Variants in PRH1 observed in about 807,000 individuals in gnomAD.
The protein encoded by PRH1 is salivary acidic proline-rich phosphoprotein 1/2.
PRH1 carries 7 observed loss-of-function variants against 7.9 expected under a neutral mutation model. That is an observed-to-expected ratio of 0.89 (90% CI 0.50 to 1.67). PRH1 has a LOEUF of 1.67. Ranked by LOEUF, PRH1 falls within the 40% of genes most tolerant of loss-of-function variation. The probability of loss-of-function intolerance (pLI) is 0.00; values close to 1 mark genes in which losing one functional copy is unlikely to be tolerated. For synonymous variants in PRH1, 45 were observed against 80.8 expected (o/e 0.56, Z 2.38); for missense variants, 109 against 223.6 (o/e 0.49, Z 3.27).
At chr12:10,997,269 A>G (rs746305447) in intron 1 of PRH1, 1 of 1,614,148 alleles carries the variant, frequency 6.2e-7, no homozygotes, top group Non-Finnish European at 8.5e-7. Context: ...AGATGTTTAC[A>G]CAGAGAGTAG....
chr12:11,050,598 TA>T (rs2136148654), upstream of PRH1, among the ~76,000 whole-genome samples: 1 of 152,376 alleles, frequency 6.6e-6, no homozygotes, highest in Admixed American at 6.5e-5. Context: ...AGGCCTTTGG[TA>T]AATTTATTCT....
At chr12:11,065,991 C>T (rs1943792711) in intron 1 of PRH1, among the ~76,000 whole-genome samples, 1 of 152,214 alleles carries the variant, frequency 6.6e-6, no homozygotes, top group Admixed American at 6.5e-5. Flanking sequence ...ATCTCAACCA[C>T]AGCTCCACCT....
At chr12:11,136,137 T>C (rs1224593728) in intron 1 of PRH1, among the ~76,000 whole-genome samples, 1 of 152,208 alleles carries the variant, frequency 6.6e-6, no homozygotes, top group Non-Finnish European at 1.5e-5. Context: ...TTTATATTGA[T>C]TATTTCCTTA....
At chr12:11,083,352 T>TTG in intron 1 of PRH1, among the ~76,000 whole-genome samples, 1 of 119,276 alleles carries the variant, frequency 8.4e-6, no homozygotes, top group Non-Finnish European at 2.0e-5. Context: ...TTTTTTAAAT[T>TTG]AAAGAAAAGT....
chr12:11,017,882 G>A (rs1941378497), intron 1 of PRH1, among the ~76,000 whole-genome samples: 1 of 152,080 alleles, frequency 6.6e-6, no homozygotes, highest in African/African-American at 2.4e-5. Flanking sequence ...AGGGATTTTG[G>A]AGTCCAAAAA....
chr12:10,946,923 C>T (rs1488181761), intron 2 of PRH1, among the ~76,000 whole-genome samples: 1 of 151,988 alleles, frequency 6.6e-6, no homozygotes, highest in East Asian at 1.9e-4. Flanking sequence ...GTTTAATTTC[C>T]ATGTAATTGT....
At chr12:11,066,475 A>T (rs1266854337) in intron 1 of PRH1, among the ~76,000 whole-genome samples, 1 of 151,982 alleles carries the variant, frequency 6.6e-6, no homozygotes, top group Non-Finnish European at 1.5e-5. Context: ...AATATATTGT[A>T]AAATAAGCTA....
At chr12:10,946,556 G>T (rs930555633) in intron 2 of PRH1, among the ~76,000 whole-genome samples, 3 of 151,968 alleles carry the variant, frequency 2.0e-5, no homozygotes, top group Non-Finnish European at 4.4e-5. Context: ...AGTCTACCTA[G>T]TGGCCTATTT....
intron 1 of PRH1, among the ~76,000 whole-genome samples, chr12:11,168,282 A>AGG (rs1947670831): frequency 1.9e-5 from 1 of 51,780 alleles, no homozygotes; most frequent in African/African-American, 6.1e-5. Context: ...GAAAGAAAGA[A>AGG]AGAAAGAAAG....
At chr12:11,047,107 A>G (rs1942929815) in exon 1 of PRH1, 4 of 468,612 alleles carry the variant, frequency 8.5e-6, no homozygotes, top group Admixed American at 2.3e-5. Context: ...CAGAACTGAC[A>G]CAGAAGAACT....
intron 1 of PRH1, among the ~76,000 whole-genome samples, chr12:11,017,006 T>C (rs770931671): frequency 6.6e-6 from 1 of 152,228 alleles, no homozygotes; most frequent in Admixed American, 6.5e-5. Flanking sequence ...AGATACACTA[T>C]AAAATGAATG....
Position 10,910,274 on chromosome 12 carries a change from G to A in PRH1, c.-58-25999C>T, listed in dbSNP as rs1352847784. ...AAGTTTAATTTGTAAATCAAGCACA[G>A]TAAAAGATTACAAAAATAACTAATA... On this transcript the variant is annotated intron_variant, in intron 2 of 3. Transcript: ENST00000539853. Among the ~76,000 whole-genome samples, 3 of 152,114 alleles carry A rather than the reference G, an allele frequency of 2.0e-5. No homozygotes were observed. The East Asian group carries it at 5.8e-4, about 29-fold the overall frequency.
At chr12:11,013,678 C>T (rs1480088004) in intron 1 of PRH1, among the ~76,000 whole-genome samples, 2 of 151,816 alleles carry the variant, frequency 1.3e-5, no homozygotes, top group Non-Finnish European at 2.9e-5. Context: ...AGATGCTGGG[C>T]TACCCTCAAT....
At chr12:11,091,115 C>CATATATATATATATAT (rs1555163213) in intron 1 of PRH1, among the ~76,000 whole-genome samples, 302 of 25,084 alleles carry the variant, frequency 0.012, 24 homozygotes, top group African/African-American at 0.023. Flanking sequence ...CACACACACA[C>CATATATATATATATAT]ATATATATAT....
At chr12:11,145,779 C>G (rs1946843277) in intron 1 of PRH1, among the ~76,000 whole-genome samples, 1 of 152,066 alleles carries the variant, frequency 6.6e-6, no homozygotes, top group Non-Finnish European at 1.5e-5. Context: ...TTTGTAACAA[C>G]TATGAATATT....
chr12:11,014,007 C>A (rs1412252498), intron 1 of PRH1, among the ~76,000 whole-genome samples: 1 of 152,212 alleles, frequency 6.6e-6, no homozygotes, highest in African/African-American at 2.4e-5. Flanking sequence ...CAATTACAGG[C>A]TTAAGCCACA....
rs545930248 is a variant in PRH1, at chr12:11,055,277, G to C, written n.124-8089C>G. On this transcript the variant is annotated intron_variant and non_coding_transcript_variant, in intron 1 of 4. Coordinates refer to the PRH1 transcript ENST00000541977. Reference sequence around the variant, plus strand: ...TGAAATATCAAATAAGTATATAAGTGTAATGAAGGTGCCTATGGGAAAATA... The same window carrying C: ...TGAAATATCAAATAAGTATATAAGTCTAATGAAGGTGCCTATGGGAAAATA... 1.4e-4 allele frequency among the ~76,000 whole-genome samples: 21 copies of C among 152,172 alleles called. 1 individual carries two copies. In the South Asian group the frequency reaches 4.4e-3, roughly 32 times the overall value.
chr12:11,069,432 GGGC>G (rs1943965562), intron 1 of PRH1, among the ~76,000 whole-genome samples: 3 of 149,286 alleles, frequency 2.0e-5, no homozygotes, highest in East Asian at 2.0e-4. Flanking sequence ...TTGAGATCTT[GGGC>G]AATCTCATGT....
chr12:11,118,468 G>A (rs1011179995), downstream of PRH1, among the ~76,000 whole-genome samples: 1 of 151,064 alleles, frequency 6.6e-6, no homozygotes, highest in African/African-American at 2.4e-5. Flanking sequence ...GTACACCGCA[G>A]GTGGGAATAT....
Sources: allele counts gnomAD v4.1 joint callset (sites outside exome capture counted in the v4.1 genomes callset), GRCh38; gene constraint gnomAD v4.1.1; transcripts MANE v1.5; gene names NCBI Gene and HGNC (gene_info 2026-07-23, HGNC 2026-07-21).